GRIA1: variants seen among roughly 807,000 people sequenced by gnomAD.
GRIA1 encodes glutamate ionotropic receptor AMPA type subunit 1.
Under a neutral mutation model 99.2 loss-of-function variants are expected in GRIA1, and 31 were observed. The observed-to-expected ratio is 0.31, with a 90% CI of 0.23 to 0.42. The LOEUF is 0.42. Among genes scored for constraint, GRIA1 ranks in the 10% least tolerant of loss-of-function variants. GRIA1 has a pLI of 1.00. For missense variants in GRIA1, 782 were observed against 1,157.5 expected, an observed-to-expected ratio of 0.68 and a Z score of 4.71; for synonymous variants, 438 against 432.4, an observed-to-expected ratio of 1.01 and a Z score of -0.16.
At chr5:153,675,322 A>G (rs549947065) in intron 6 of GRIA1, among the ~76,000 whole-genome samples, 3 of 152,308 alleles carry the variant, frequency 2.0e-5, no homozygotes, top group African/African-American at 2.4e-5. Flanking sequence ...AAATCAGGGC[A>G]ACCTAACTAA....
At chr5:153,520,049 G>A (rs1382694028) in intron 2 of GRIA1, among the ~76,000 whole-genome samples, 1 of 152,124 alleles carries the variant, frequency 6.6e-6, no homozygotes, top group East Asian at 1.9e-4. Context: ...AGTAACAATA[G>A]CTAATGTGTG....
intron 2 of GRIA1, among the ~76,000 whole-genome samples, chr5:153,643,778 A>G (rs905475391): frequency 2.6e-5 from 4 of 152,198 alleles, no homozygotes; most frequent in South Asian, 2.1e-4. Flanking sequence ...TTAAGGTAAG[A>G]GATGTTTGCA....
intron 2 of GRIA1, among the ~76,000 whole-genome samples, chr5:153,570,679 T>C (rs1473765166): frequency 1.3e-5 from 2 of 152,200 alleles, no homozygotes; most frequent in African/African-American, 4.8e-5. Flanking sequence ...TCTGGCGCCT[T>C]ATCTTCTCCA....
intron 13 of GRIA1, among the ~76,000 whole-genome samples, chr5:153,792,636 A>G (rs1170134354): frequency 7.9e-5 from 12 of 152,190 alleles, no homozygotes; most frequent in Non-Finnish European, 5.9e-5. Flanking sequence ...TCTCAGGAAA[A>G]ATACCCTTTG....
intron 2 of GRIA1, 97 bp from the exon 3 acceptor site, chr5:153,646,831 A>G: frequency 1.5e-6 from 2 of 1,313,058 alleles, no homozygotes; most frequent in Non-Finnish European, 2.1e-6. Flanking sequence ...TGGATAATTG[A>G]TGGGTTGGAT....
At chr5:153,802,265 T>A in intron 14 of GRIA1, 91 bp from the exon 15 acceptor site, 1 of 1,070,612 alleles carries the variant, frequency 9.3e-7, no homozygotes, top group Non-Finnish European at 1.4e-6. Flanking sequence ...TGTGTGTATG[T>A]GTGAAAATAT....
chr5:153,494,291 A>C (rs994195081), intron 2 of GRIA1: 8 of 532,362 alleles, frequency 1.5e-5, no homozygotes, highest in African/African-American at 1.1e-4. Flanking sequence ...CTGTCAGCTA[A>C]CTTTAATGCC....
At chr5:153,509,112 G>C (rs1425335371) in intron 2 of GRIA1, among the ~76,000 whole-genome samples, 1 of 152,124 alleles carries the variant, frequency 6.6e-6, no homozygotes, top group East Asian at 1.9e-4. Flanking sequence ...TCTTCTAAAA[G>C]GAATTACAAA....
At chr5:153,548,463 C>T (rs1483929766) in intron 2 of GRIA1, among the ~76,000 whole-genome samples, 6 of 152,130 alleles carry the variant, frequency 3.9e-5, no homozygotes, top group Non-Finnish European at 8.8e-5. Flanking sequence ...GACTAAATGT[C>T]CCTGTTGTCA....
chr5:153,791,952 G>A (rs565199184), intron 13 of GRIA1, among the ~76,000 whole-genome samples: 45 of 151,260 alleles, frequency 3.0e-4, no homozygotes, highest in African/African-American at 1.0e-3. Context: ...TGTAATAAAT[G>A]TTGTACTCCC....
At chr5:153,612,362 C>A (rs962182490) in intron 2 of GRIA1, among the ~76,000 whole-genome samples, 1 of 152,198 alleles carries the variant, frequency 6.6e-6, no homozygotes, top group Non-Finnish European at 1.5e-5. Context: ...ATTAACCAAC[C>A]TCATGTCACA....
At chr5:153,639,866 T>C (rs1753665727) in intron 2 of GRIA1, among the ~76,000 whole-genome samples, 1 of 152,178 alleles carries the variant, frequency 6.6e-6, no homozygotes, top group African/African-American at 2.4e-5. Flanking sequence ...ACATCCCCAG[T>C]GAGTACAAAA....
intron 5 of GRIA1, among the ~76,000 whole-genome samples, chr5:153,656,383 T>TTTTATATATATATATATATATA (rs769901040): frequency 2.2e-5 from 2 of 92,664 alleles, no homozygotes; most frequent in African/African-American, 8.5e-5. Context: ...ATAAGTTTGT[T>TTTTATATATATATATATATATA]TATATATATA....
At position 153,813,592 on chromosome 5, in the gene GRIA1, T is replaced by C. The variant is rs777419631; in HGVS notation, c.*2367T>C. ...CTACACTTTTCTTAAAAATAGAGCA[T>C]TGGGAAAACTCTGAAAGAGACTGAC... On this transcript the variant is annotated 3_prime_UTR_variant, in exon 16 of 16. Coordinates refer to ENST00000285900, the MANE Select transcript of GRIA1 (RefSeq NM_000827.4). 6.6e-6 allele frequency: 1 copy of C among 152,236 alleles called. No individual in the cohort carries two copies. Among genetic ancestry groups the C allele is most frequent in the Admixed American group, 6.5e-5 (1 of 15,288 alleles). 9.4% of individuals were successfully genotyped at this position (152,236 alleles called of 1,614,324 possible).
At chr5:153,776,801 G>A (rs561066281) in intron 13 of GRIA1, among the ~76,000 whole-genome samples, 1 of 152,336 alleles carries the variant, frequency 6.6e-6, no homozygotes, top group African/African-American at 2.4e-5. Flanking sequence ...AGGGAAGGCT[G>A]TCACTTTCAG....
At chr5:153,673,064 G>A (rs1581443010) in intron 5 of GRIA1, among the ~76,000 whole-genome samples, 1 of 152,106 alleles carries the variant, frequency 6.6e-6, no homozygotes, top group East Asian at 1.9e-4. Context: ...GACCAGCTTT[G>A]GGCTGCCAAT....
At chr5:153,661,434 C>T (rs978910028) in intron 5 of GRIA1, among the ~76,000 whole-genome samples, 2 of 152,192 alleles carry the variant, frequency 1.3e-5, no homozygotes, top group African/African-American at 4.8e-5. Context: ...TGAGATCCCT[C>T]AACGCTCTCG....
At chr5:153,619,589 A>G (rs1766837043) in intron 2 of GRIA1, among the ~76,000 whole-genome samples, 1 of 152,150 alleles carries the variant, frequency 6.6e-6, no homozygotes, top group Non-Finnish European at 1.5e-5. Context: ...AGCCAAATGG[A>G]AGGCTTATAA....
intron 11 of GRIA1, among the ~76,000 whole-genome samples, chr5:153,706,905 G>A (rs1436550814): frequency 6.6e-6 from 1 of 152,022 alleles, no homozygotes; most frequent in Non-Finnish European, 1.5e-5. Context: ...GACCAGCCTG[G>A]CCAACATGGT....
Sources: allele counts gnomAD v4.1 joint callset (sites outside exome capture counted in the v4.1 genomes callset), GRCh38; gene constraint gnomAD v4.1.1; transcripts MANE v1.5; gene names NCBI Gene and HGNC (gene_info 2026-07-23, HGNC 2026-07-21).